Variants in KATNIP observed in about 807,000 individuals in gnomAD.
The protein encoded by KATNIP is katanin interacting protein, also known as katanin-interacting protein.
In KATNIP, 126 loss-of-function variants were observed where a neutral mutation model predicts 174.0. The ratio of observed to expected loss-of-function variants is 0.72; its 90% CI spans 0.63 to 0.84. The LOEUF is 0.84. Among genes scored for constraint, KATNIP ranks in the 40% least tolerant of loss-of-function variants. KATNIP has a pLI of 0.00. For missense variants in KATNIP, 1,958 were observed against 2,109.7 expected (o/e 0.93, Z 1.41); for synonymous variants, 810 against 835.7 (o/e 0.97, Z 0.53).
chr16:27,579,271 G>A (rs960236111), intron 2 of KATNIP, among the ~76,000 whole-genome samples: 1 of 151,782 alleles, frequency 6.6e-6, no homozygotes, highest in Non-Finnish European at 1.5e-5. Flanking sequence ...GGCCACTGTT[G>A]ACTCTGTGAA....
intron 1 of KATNIP, among the ~76,000 whole-genome samples, chr16:27,561,962 A>G (rs2089902517): frequency 6.6e-6 from 1 of 152,148 alleles, no homozygotes; most frequent in Admixed American, 6.6e-5. Flanking sequence ...TCAGTTTCCA[A>G]CACCTAAATA....
At position 27,573,953 on chromosome 16, in the gene KATNIP, G is replaced by T. The variant is rs1434227818; in HGVS notation, c.60G>T (p.Lys20Asn). 6.2e-7 allele frequency: 1 copy of T among 1,614,080 alleles called. No individual in the cohort carries two copies. The highest frequency in any genetic ancestry group is 1.3e-5 in the African/African-American group (1 of 75,036). The change falls in exon 2 of 28, where the codon AAG (lysine) becomes AAT (asparagine). Residue 20 changes from lysine (K) to asparagine (N), a missense_variant. Coordinates refer to ENST00000261588, the MANE Select transcript of KATNIP (RefSeq NM_015202.5). ...ERSWSCSREK[K>N]EGYAKDMVTD... The stretch of plus-strand genomic sequence containing the variant: ...GCTGGTCCTGCTCACGAGAGAAAAA[G>T]GAGGTAAATGTGTCCCTGGCGAGGG...
rs79312195 is a variant in KATNIP, at chr16:27,550,634, A to G, written c.7+457A>G. Among the ~76,000 whole-genome samples, 290 of 152,290 alleles carry G rather than the reference A, an allele frequency of 1.9e-3. 11 individuals carry two copies. The East Asian group carries it at 0.047, about 25-fold the overall frequency. On this transcript the variant is annotated intron_variant, in intron 1 of 27. Coordinates refer to ENST00000261588, the MANE Select transcript of KATNIP (RefSeq NM_015202.5). ...TTTCTGTGCCTTGGCGTTAATAATAATAGCTCCCTTTAACAAAGTGCTTTC... is the reference window on the plus strand; with the variant it reads ...TTTCTGTGCCTTGGCGTTAATAATAGTAGCTCCCTTTAACAAAGTGCTTTC...
rs776008059 is a variant in KATNIP, at chr16:27,628,714, T to G, written c.194T>G (p.Leu65Trp). 20 of 1,614,110 alleles carry G rather than the reference T, an allele frequency of 1.2e-5. No homozygotes were observed. The highest frequency in any genetic ancestry group is 1.7e-5 in the Non-Finnish European group (20 of 1,180,040). Reference sequence around the variant, plus strand: ...CCCGTGCAATTGAGGCTGGAGCACTTGGAGCAAGGTTTCTCTGTCTATGTC... The same window carrying G: ...CCCGTGCAATTGAGGCTGGAGCACTGGGAGCAAGGTTTCTCTGTCTATGTC... Reference protein sequence around the residue: ...KDPVQLRLEHLEQGFSVYVNG... With the variant: ...KDPVQLRLEHWEQGFSVYVNG... The change falls in exon 4 of 28, where the codon TTG (leucine) becomes TGG (tryptophan). Residue 65 changes from leucine to tryptophan, a missense_variant. Around this residue, in one of 3 missense-constraint regions of KATNIP, gnomAD observed 1,557 missense variants for 1,617.8 expected, o/e 0.96. Transcript: ENST00000261588.
At chr16:27,695,034 C>T (rs1351964836) in intron 8 of KATNIP, among the ~76,000 whole-genome samples, 1 of 152,200 alleles carries the variant, frequency 6.6e-6, no homozygotes, top group Non-Finnish European at 1.5e-5. Flanking sequence ...CGTGGAGTCA[C>T]CTGTAACTCC....
intron 2 of KATNIP, among the ~76,000 whole-genome samples, chr16:27,602,970 G>A (rs967949585): frequency 4.6e-5 from 7 of 152,220 alleles, no homozygotes; most frequent in African/African-American, 1.7e-4. Flanking sequence ...AAAGTGCTGG[G>A]ATTACAGGCA....
At chr16:27,747,579 C>T (rs2081338787) in intron 15 of KATNIP, among the ~76,000 whole-genome samples, 1 of 152,166 alleles carries the variant, frequency 6.6e-6, no homozygotes, top group Admixed American at 6.5e-5. Flanking sequence ...AAGAGTGCCC[C>T]TCCTTGAGGC....
intron 14 of KATNIP, among the ~76,000 whole-genome samples, chr16:27,725,651 T>C (rs1180247255): frequency 6.6e-6 from 1 of 152,150 alleles, no homozygotes; most frequent in African/African-American, 2.4e-5. Flanking sequence ...AAACCGATAG[T>C]CTCCCTTCTA....
chr16:27,775,961 G>A (rs1280756276), intron 24 of KATNIP, among the ~76,000 whole-genome samples: 1 of 152,220 alleles, frequency 6.6e-6, no homozygotes, highest in Non-Finnish European at 1.5e-5. Flanking sequence ...GGGCAACAGA[G>A]CTCTGTCCTC....
intron 6 of KATNIP, among the ~76,000 whole-genome samples, chr16:27,651,602 C>T (rs1332987622): frequency 6.6e-6 from 1 of 152,234 alleles, no homozygotes; most frequent in African/African-American, 2.4e-5. Context: ...CCGTGAAGTT[C>T]AATTTCATAG....
chr16:27,708,433 T>C (rs1357959492), intron 12 of KATNIP: 3 of 400,522 alleles, frequency 7.5e-6, no homozygotes. Flanking sequence ...CAATGCTTTT[T>C]AGACATTTTT....
intron 2 of KATNIP, among the ~76,000 whole-genome samples, chr16:27,581,213 A>T (rs186360572): frequency 6.6e-6 from 1 of 152,340 alleles, no homozygotes; most frequent in Admixed American, 6.5e-5. Context: ...ATTAATGAAT[A>T]TCTAGTCATT....
intron 13 of KATNIP, among the ~76,000 whole-genome samples, chr16:27,710,013 G>A (rs535899032): frequency 1.3e-5 from 2 of 152,128 alleles, no homozygotes; most frequent in African/African-American, 2.4e-5. Context: ...GGACCCTGCT[G>A]CCCTAGGTCG....
intron 6 of KATNIP, among the ~76,000 whole-genome samples, chr16:27,662,384 C>T (rs562193974): frequency 3.3e-5 from 5 of 152,180 alleles, no homozygotes; most frequent in Admixed American, 1.3e-4. Context: ...TTGACAGTGG[C>T]TCTTGACCTA....
intron 1 of KATNIP, among the ~76,000 whole-genome samples, chr16:27,572,197 C>T (rs1243766768): frequency 6.6e-6 from 1 of 151,992 alleles, no homozygotes; most frequent in Admixed American, 6.6e-5. Flanking sequence ...GGGTGGATCA[C>T]ATGAGCCCAG....
At chr16:27,597,602 C>T (rs181911446) in intron 2 of KATNIP, among the ~76,000 whole-genome samples, 36 of 151,996 alleles carry the variant, frequency 2.4e-4, no homozygotes, top group African/African-American at 8.7e-4. Flanking sequence ...GTTCTCCAGC[C>T]GGAGGACATT....
chr16:27,684,019 A>G (rs1188515227), intron 8 of KATNIP, among the ~76,000 whole-genome samples: 6 of 152,164 alleles, frequency 3.9e-5, no homozygotes, highest in Non-Finnish European at 5.9e-5. Flanking sequence ...CCAGCATCCT[A>G]CTGAGCTAAC....
intron 2 of KATNIP, among the ~76,000 whole-genome samples, chr16:27,597,565 T>A (rs1356589668): frequency 6.6e-6 from 1 of 152,162 alleles, no homozygotes; most frequent in African/African-American, 2.4e-5. Context: ...TCTTAACCTG[T>A]TGCATCGGAT....
chr16:27,726,264 G>C (rs1440136450), intron 14 of KATNIP, among the ~76,000 whole-genome samples: 2 of 152,198 alleles, frequency 1.3e-5, no homozygotes, highest in Non-Finnish European at 2.9e-5. Flanking sequence ...CCATCCATGG[G>C]AAAATTATCT....
Sources: gnomAD v4.1 joint callset for allele counts (sites outside exome capture counted in the v4.1 genomes callset) on GRCh38, gnomAD v4.1.1 for gene constraint, gnomAD v4.1.1 regional missense constraint, MANE v1.5 for transcripts, NCBI Gene and HGNC (gene_info 2026-07-23, HGNC 2026-07-21) for gene names.